ERBB4: variants seen among roughly 807,000 people sequenced by gnomAD.
ERBB4 encodes the protein erb-b2 receptor tyrosine kinase 4.
A neutral mutation model predicts 158.0 loss-of-function variants in ERBB4; 42 were observed. That is an observed-to-expected ratio of 0.27 (90% confidence interval 0.21 to 0.34). The LOEUF is 0.34. Ranked by LOEUF, ERBB4 falls within the 10% of genes least tolerant of loss-of-function variation. ERBB4 has a pLI of 1.00. For synonymous variants in ERBB4, 583 were observed against 558.7 expected, an observed-to-expected ratio of 1.04 and a Z score of -0.61; for missense variants, 1,333 against 1,624.1, an observed-to-expected ratio of 0.82 and a Z score of 3.08.
intron 1 of ERBB4, among the ~76,000 whole-genome samples, chr2:212,192,468 T>C (rs1468859134): frequency 6.6e-6 from 1 of 152,070 alleles, no homozygotes; most frequent in Admixed American, 6.6e-5. Flanking sequence ...TCTATATTTA[T>C]GTTATGTGGT....
chr2:212,377,143 A>T (rs1168638499), intron 1 of ERBB4, among the ~76,000 whole-genome samples: 2 of 151,018 alleles, frequency 1.3e-5, no homozygotes, highest in East Asian at 3.9e-4. Context: ...CTGTAAAATC[A>T]TAGAGGTAGT....
intron 21 of ERBB4, among the ~76,000 whole-genome samples, chr2:211,429,958 G>A (rs1025114446): frequency 1.3e-5 from 2 of 152,128 alleles, no homozygotes. Flanking sequence ...CAACTTCTGT[G>A]CAGTCTTAGA....
rs1322042272 is a variant in ERBB4 at position 212,498,851 on chromosome 2, G to A, written c.82+39598C>T. ...TCTAATGAAGGAGAAGTATACAGGG[G>A]CAGTACATCTCTAAACTAGCTGAGC... is the stretch of plus-strand genomic sequence containing the variant. On this transcript the variant is annotated intron_variant, in intron 1 of 27. Coordinates refer to ENST00000342788, the MANE Select transcript of ERBB4 (RefSeq NM_005235.3). Among the ~76,000 whole-genome samples, 3 of 151,782 alleles carry A rather than the reference G, an allele frequency of 2.0e-5. No homozygotes were observed. The East Asian group carries it at 5.8e-4, about 29-fold the overall frequency.
chr2:211,434,670 G>A (rs1574483810), intron 20 of ERBB4, among the ~76,000 whole-genome samples: 1 of 152,136 alleles, frequency 6.6e-6, no homozygotes, highest in African/African-American at 2.4e-5. Flanking sequence ...CTCAGCAAGT[G>A]ATAGACTATC....
At chr2:212,091,899 A>G (rs111758510) in intron 2 of ERBB4, among the ~76,000 whole-genome samples, 1,982 of 152,222 alleles carry the variant, frequency 0.013, 20 homozygotes, top group Middle Eastern at 0.027. Flanking sequence ...TTTTATTCAG[A>G]ACTCCAGACA....
At chr2:211,503,313 C>T (rs995044104) in intron 20 of ERBB4, among the ~76,000 whole-genome samples, 21 of 152,056 alleles carry the variant, frequency 1.4e-4, no homozygotes, top group African/African-American at 4.3e-4. Context: ...TGCTGTCTGC[C>T]GAGCCAGGAT....
chr2:211,645,260 G>A (rs909772182), intron 16 of ERBB4, among the ~76,000 whole-genome samples: 2 of 151,760 alleles, frequency 1.3e-5, no homozygotes, highest in Admixed American at 1.3e-4. Context: ...GAGAAAAAGA[G>A]AGACAGAGAC....
chr2:212,267,599 T>TTTTTTTTTCTTTTTTTTTTTTTTTTTTTC (rs1553607833), intron 1 of ERBB4, among the ~76,000 whole-genome samples: 1 of 41,638 alleles, frequency 2.4e-5, no homozygotes, highest in African/African-American at 4.4e-5. Context: ...TCTCATTTCT[T>TTTTTTTTTCTTTTTTTTTTTTTTTTTTTC]TTTTTTTTTT....
chr2:212,300,348 C>T (rs73068251), intron 1 of ERBB4, among the ~76,000 whole-genome samples: 6,882 of 151,556 alleles, frequency 0.045, 552 homozygotes, highest in African/African-American at 0.16. Flanking sequence ...CTGTCAATTA[C>T]ATAAAACCAA....
In ERBB4 at chr2:212,253,147, G is replaced by A. The variant is rs897082487; in HGVS notation, c.83-128244C>T. ...TGAATAAACATCATGAGTAGCAGTCGCCAAAGTGATACCACATAATCTGTA... is the reference window on the plus strand; with the variant it reads ...TGAATAAACATCATGAGTAGCAGTCACCAAAGTGATACCACATAATCTGTA... On this transcript the variant is annotated intron_variant, in intron 1 of 27. Transcript: ENST00000342788. 7.9e-5 allele frequency among the ~76,000 whole-genome samples: 12 copies of A among 151,968 alleles called. 1 individual carries two copies. The highest frequency in any genetic ancestry group is 2.7e-4 in the African/African-American group (11 of 41,388).
intron 20 of ERBB4, among the ~76,000 whole-genome samples, chr2:211,508,942 C>T (rs1310058993): frequency 7.7e-5 from 10 of 130,480 alleles, no homozygotes; most frequent in Non-Finnish European, 1.5e-4. Flanking sequence ...AACAAACAAA[C>T]AAAAAAACAA....
chr2:211,483,251 T>C (rs557531163), intron 20 of ERBB4, among the ~76,000 whole-genome samples: 9 of 152,066 alleles, frequency 5.9e-5, no homozygotes, highest in Non-Finnish European at 8.8e-5. Flanking sequence ...TTATAGTCAC[T>C]AAATGAGAGG....
At chr2:211,611,442 G>GCTTTACTTTTGCTTTCA (rs2069195122) in intron 19 of ERBB4, among the ~76,000 whole-genome samples, 1 of 149,990 alleles carries the variant, frequency 6.7e-6, no homozygotes, top group East Asian at 1.9e-4. Flanking sequence ...TTTTGCTTTC[G>GCTTTACTTTTGCTTTCA]CTTTAATGAG....
At chr2:212,247,900 G>C (rs1173764475) in intron 1 of ERBB4, among the ~76,000 whole-genome samples, 1 of 151,692 alleles carries the variant, frequency 6.6e-6, no homozygotes, top group Non-Finnish European at 1.5e-5. Context: ...GGAAGCAGAG[G>C]CCGCAGTGAG....
chr2:212,076,098 C>T (rs1206145136), intron 2 of ERBB4, among the ~76,000 whole-genome samples: 1 of 151,832 alleles, frequency 6.6e-6, no homozygotes, highest in Non-Finnish European at 1.5e-5. Flanking sequence ...ATTTTATAGA[C>T]ACCTCAATTG....
intron 1 of ERBB4, among the ~76,000 whole-genome samples, chr2:212,293,214 G>A: frequency 6.6e-6 from 1 of 151,806 alleles, no homozygotes; most frequent in East Asian, 1.9e-4. Context: ...TTTAACTTAT[G>A]ATGTGGGAGC....
intron 1 of ERBB4, among the ~76,000 whole-genome samples, chr2:212,388,885 T>A (rs1436108334): frequency 2.0e-5 from 3 of 152,132 alleles, no homozygotes; most frequent in African/African-American, 7.2e-5. Flanking sequence ...GCTGCTGGAT[T>A]TCTCTAACAA....
At chr2:212,276,568 A>C (rs1037674234) in intron 1 of ERBB4, among the ~76,000 whole-genome samples, 3 of 151,844 alleles carry the variant, frequency 2.0e-5, no homozygotes, top group African/African-American at 7.2e-5. Context: ...GCAAATGTGC[A>C]CAGAGATTAT....
At chr2:212,229,510 G>A (rs908470258) in intron 1 of ERBB4, among the ~76,000 whole-genome samples, 1 of 152,132 alleles carries the variant, frequency 6.6e-6, no homozygotes, top group Non-Finnish European at 1.5e-5. Flanking sequence ...GGTACTAAAG[G>A]GCCAGTAAAT....
Sources: gnomAD v4.1 joint callset for allele counts (sites outside exome capture counted in the v4.1 genomes callset) on GRCh38, gnomAD v4.1.1 for gene constraint, MANE v1.5 for transcripts, NCBI Gene and HGNC (gene_info 2026-07-23, HGNC 2026-07-21) for gene names.